CEP128: variants seen among roughly 807,000 people sequenced by gnomAD.
CEP128 encodes the protein centrosomal protein 128kDa.
Under a neutral mutation model 156.7 loss-of-function variants are expected in CEP128, and 132 were observed. The observed-to-expected ratio is 0.84, with a 90% CI of 0.73 to 0.97. The LOEUF is 0.97. CEP128 is among the 50% of genes least tolerant of loss of function. The probability of loss-of-function intolerance (pLI) is 0.00; values close to 1 mark genes in which losing one functional copy is unlikely to be tolerated. For synonymous variants in CEP128, 469 were observed against 448.9 expected (o/e 1.04, Z -0.57); for missense variants, 1,252 against 1,281.9 (o/e 0.98, Z 0.36).
intron 13 of CEP128, among the ~76,000 whole-genome samples, chr14:80,805,361 T>G (rs535053332): frequency 3.8e-4 from 58 of 152,098 alleles, no homozygotes; most frequent in Non-Finnish European, 7.4e-4. Context: ...TTTTGTTCTG[T>G]AGTGGATCTC....
chr14:80,576,385 A>C lies in CEP128; in HGVS notation c.2856+3989T>G, dbSNP rs182823225. On this transcript the variant is annotated intron_variant, in intron 20 of 24. Coordinates refer to ENST00000555265, the MANE Select transcript of CEP128 (RefSeq NM_152446.5). The stretch of plus-strand genomic sequence containing the variant: ...AAGACAATACTTTAAGAGGAGTAGC[A>C]CACAATGCAACTGCAAATGAATGTC... Among the ~76,000 whole-genome samples the C allele has an allele frequency of 4.6e-5, 7 of 152,354 alleles. No individual in the cohort carries two copies. The East Asian group carries it at 1.2e-3, about 25-fold the overall frequency.
intron 2 of CEP128, among the ~76,000 whole-genome samples, chr14:80,939,026 T>C (rs1362690439): frequency 6.6e-6 from 1 of 152,162 alleles, no homozygotes; most frequent in Admixed American, 6.5e-5. Context: ...GCAAATTAAA[T>C]AACCTGAGAC....
At chr14:80,752,538 T>A (rs1370384318) in intron 18 of CEP128, among the ~76,000 whole-genome samples, 2 of 152,206 alleles carry the variant, frequency 1.3e-5, no homozygotes, top group African/African-American at 4.8e-5. Flanking sequence ...GTATTTTCCA[T>A]TCTATATCAG....
At chr14:80,540,941 T>C (rs1889728290) in intron 21 of CEP128, among the ~76,000 whole-genome samples, 1 of 152,228 alleles carries the variant, frequency 6.6e-6, no homozygotes, top group Admixed American at 6.5e-5. Flanking sequence ...AGCATGCATT[T>C]TGGCTGTAAA....
chr14:80,591,107 C>T (rs1566797705), intron 19 of CEP128, among the ~76,000 whole-genome samples: 1 of 152,020 alleles, frequency 6.6e-6, no homozygotes, highest in Non-Finnish European at 1.5e-5. Flanking sequence ...AACTAATGGG[C>T]AAAATAAACA....
intron 13 of CEP128, among the ~76,000 whole-genome samples, chr14:80,820,979 G>T (rs115769186): frequency 6.6e-6 from 1 of 151,944 alleles, no homozygotes; most frequent in Non-Finnish European, 1.5e-5. Context: ...CATTTAATGT[G>T]CTTGAAAAAA....
intron 20 of CEP128, among the ~76,000 whole-genome samples, chr14:80,563,636 T>G (rs1317418309): frequency 6.8e-6 from 1 of 147,478 alleles, no homozygotes; most frequent in Non-Finnish European, 1.5e-5. Context: ...TGGATTTAAG[T>G]GATTCTCCTG....
At chr14:80,513,897 A>AT (rs965924795) in intron 23 of CEP128, among the ~76,000 whole-genome samples, 117 of 152,296 alleles carry the variant, frequency 7.7e-4, no homozygotes, top group African/African-American at 2.8e-3. Flanking sequence ...CTCTACTAAC[A>AT]TAGCTAGATC....
chr14:80,593,862 AG>A (rs1323031263), intron 19 of CEP128, among the ~76,000 whole-genome samples: 1 of 152,240 alleles, frequency 6.6e-6, no homozygotes, highest in Non-Finnish European at 1.5e-5. Context: ...GCTCATGAAT[AG>A]GAAGAATTAA....
At chr14:80,734,840 C>T (rs1212489055) in intron 19 of CEP128, among the ~76,000 whole-genome samples, 2 of 135,860 alleles carry the variant, frequency 1.5e-5, no homozygotes, top group African/African-American at 2.9e-5. Flanking sequence ...TATCAAGACC[C>T]CATCTCAAAA....
intron 21 of CEP128, among the ~76,000 whole-genome samples, chr14:80,551,326 A>T (rs1473450590): frequency 6.6e-6 from 1 of 152,224 alleles, no homozygotes; most frequent in Non-Finnish European, 1.5e-5. Flanking sequence ...GAAAGGGCTG[A>T]GACAAATAAA....
At chr14:80,959,323 C>G (rs1566737128) in intron 1 of CEP128, 1 of 152,108 alleles carries the variant, frequency 6.6e-6, no homozygotes, top group Non-Finnish European at 1.5e-5. Context: ...TTTAAGGAAA[C>G]TTAAATGAAG....
chr14:80,789,581 T>C (rs904941661), intron 14 of CEP128, among the ~76,000 whole-genome samples: 4 of 151,918 alleles, frequency 2.6e-5, no homozygotes, highest in Non-Finnish European at 5.9e-5. Context: ...CCTTGAGAAA[T>C]GTAGGGGCAT....
At chr14:80,626,672 T>C (rs907162496) in intron 19 of CEP128, among the ~76,000 whole-genome samples, 3 of 148,936 alleles carry the variant, frequency 2.0e-5, no homozygotes, top group Non-Finnish European at 4.4e-5. Flanking sequence ...CAACCAATCC[T>C]GCCAACACCT....
At chr14:80,558,232 A>G (rs1330194047) in intron 21 of CEP128, among the ~76,000 whole-genome samples, 1 of 151,954 alleles carries the variant, frequency 6.6e-6, no homozygotes, top group Non-Finnish European at 1.5e-5. Context: ...CCACTGTGGC[A>G]TGTTGGGTGA....
intron 8 of CEP128, among the ~76,000 whole-genome samples, chr14:80,866,543 A>T (rs1488723723): frequency 6.6e-6 from 1 of 152,188 alleles, no homozygotes; most frequent in Non-Finnish European, 1.5e-5. Context: ...TCACAAGGCC[A>T]GCTCCCAAAA....
rs950206888 is a variant in CEP128 at position 80,673,511 on chromosome 14, T to G, written c.2806+69564A>C. ...ACAAAAAAAAATTAGCCGGGCGTAG[T>G]GGCGGGCGCCTGTAGTCCCAGCTAC... is the stretch of plus-strand genomic sequence containing the variant. On this transcript the variant is annotated intron_variant, in intron 19 of 24. Transcript: ENST00000555265. Among the ~76,000 whole-genome samples, 48 of 145,070 alleles carry G rather than the reference T, an allele frequency of 3.3e-4. No individual in the cohort carries two copies. The South Asian group carries it at 0.011, about 33-fold the overall frequency.
chr14:80,610,313 G>A (rs1892946307), intron 19 of CEP128, among the ~76,000 whole-genome samples: 1 of 151,940 alleles, frequency 6.6e-6, no homozygotes, highest in Non-Finnish European at 1.5e-5. Context: ...TCATCTGTCT[G>A]ATTATTTACT....
chr14:80,927,978 A>G (rs1301568048), intron 2 of CEP128, among the ~76,000 whole-genome samples: 1 of 152,192 alleles, frequency 6.6e-6, no homozygotes, highest in Non-Finnish European at 1.5e-5. Context: ...AGCATCAGAG[A>G]AAGCCATCAC....
Sources: gnomAD v4.1 joint callset for allele counts (sites outside exome capture counted in the v4.1 genomes callset) on GRCh38, gnomAD v4.1.1 for gene constraint, MANE v1.5 for transcripts, NCBI Gene and HGNC (gene_info 2026-07-23, HGNC 2026-07-21) for gene names.